C10orf143: variants seen among roughly 807,000 people sequenced by gnomAD.
The protein encoded by C10orf143 is chromosome 10 open reading frame 143, also known as uncharacterized protein C10orf143.
chr10:130,053,356 C>T (rs1186111712), intron 3 of C10orf143, among the ~76,000 whole-genome samples: 1 of 152,218 alleles, frequency 6.6e-6, no homozygotes, highest in African/African-American at 2.4e-5. Context: ...CAGGCGTGAG[C>T]CACCACGCCC....
At chr10:130,054,053 T>C (rs919309754) in intron 3 of C10orf143, among the ~76,000 whole-genome samples, 8 of 152,228 alleles carry the variant, frequency 5.3e-5, no homozygotes, top group Non-Finnish European at 1.0e-4. Flanking sequence ...GATCTGTCCT[T>C]TTAGCAGAGT....
intron 1 of C10orf143, among the ~76,000 whole-genome samples, chr10:130,094,819 G>C (rs563035140): frequency 6.6e-6 from 1 of 152,292 alleles, no homozygotes; most frequent in African/African-American, 2.4e-5. Context: ...ACCAGCACAA[G>C]ACAAGGATCC....
Position 130,079,630 on chromosome 10 carries a change from T to C in C10orf143, c.235-2A>G, listed in dbSNP as rs1861173184. ...GCTCCTTCCACCATTCTGAGAAATCTAGTTAACAAATCACAGTTGCAGATA... is the reference window on the plus strand; with the variant it reads ...GCTCCTTCCACCATTCTGAGAAATCCAGTTAACAAATCACAGTTGCAGATA... On this transcript the variant is annotated splice_acceptor_variant, in intron 2 of 3. Transcript: ENST00000637128. LOFTEE classifies it high-confidence loss of function. The C allele has an allele frequency of 2.5e-6, 1 of 399,104 alleles. No individual in the cohort carries two copies. The allele number at this position is 399,104 out of a possible 1,614,324, so 24.7% of individuals were successfully genotyped here. A position where few individuals can be genotyped will look rare whatever the true frequency, so the allele number is the denominator to read the frequency against.
At chr10:130,040,194 T>C (rs989121491) in intron 3 of C10orf143, among the ~76,000 whole-genome samples, 6 of 152,114 alleles carry the variant, frequency 3.9e-5, no homozygotes, top group Admixed American at 3.9e-4. Context: ...CTGGGATCCA[T>C]GCCCCCAGCC....
chr10:130,110,755 G>C lies in C10orf143; in HGVS notation c.18C>G (p.Leu6=). 1 of 398,946 alleles carries C rather than the reference G, an allele frequency of 2.5e-6. No individual in the cohort carries two copies. The highest frequency in any genetic ancestry group is 4.4e-6 in the Non-Finnish European group (1 of 226,108). The allele number at this position is 398,946 out of a possible 1,614,324, so 24.7% of individuals were successfully genotyped here. MDSLA[L]GRWRQRRAED... is the part of the protein sequence containing the mutation. ...CCGCCCTCCGCTGTCGCCAGCGGCC[G>C]AGCGCTAAGCTGTCCATGCAGCCCC... Residue 6 remains leucine, a synonymous_variant, in exon 1 of 4, where the codon CTC becomes CTG. Transcript: ENST00000637128.
intron 1 of C10orf143, among the ~76,000 whole-genome samples, chr10:130,093,965 G>A (rs914540328): frequency 4.7e-5 from 7 of 149,826 alleles, no homozygotes; most frequent in African/African-American, 7.4e-5. Context: ...AGCCAAGATC[G>A]TGCCACTGTA....
Position 130,050,227 on chromosome 10 carries a change from G to A in C10orf143, c.298-14257C>T, listed in dbSNP as rs1222462185. Among the ~76,000 whole-genome samples the A allele has an allele frequency of 2.6e-5, 4 of 152,242 alleles. No individual in the cohort carries two copies. The East Asian group carries it at 5.8e-4, about 22-fold the overall frequency. ...CCAAACTTCCACTCTCGCTGGCCCC[G>A]GCCAAGTGCAGAATTGCGGCTGTGG... On this transcript the variant is annotated intron_variant and NMD_transcript_variant, in intron 3 of 5. Transcript: ENST00000643056.
At chr10:130,075,745 A>G (rs1337148557) in intron 3 of C10orf143, among the ~76,000 whole-genome samples, 2 of 152,062 alleles carry the variant, frequency 1.3e-5, no homozygotes, top group African/African-American at 2.4e-5. Context: ...AGTTCTCATG[A>G]GATCTGGTTG....
chr10:130,105,459 G>A (rs1187584662), intron 1 of C10orf143, among the ~76,000 whole-genome samples: 1 of 152,082 alleles, frequency 6.6e-6, no homozygotes, highest in Non-Finnish European at 1.5e-5. Context: ...GGATGGGCAC[G>A]GTGTCTCACG....
chr10:130,055,952 T>TAAAAAAAAAAAAAAAAAAAAAAAAA (rs369284797), intron 3 of C10orf143, among the ~76,000 whole-genome samples: 1 of 65,860 alleles, frequency 1.5e-5, no homozygotes, highest in African/African-American at 5.7e-5. Flanking sequence ...TCTCCAAAAG[T>TAAAAAAAAAAAAAAAAAAAAAAAAA]AAAAAAAAAA....
At chr10:130,105,469 G>A (rs1488365915) in intron 1 of C10orf143, among the ~76,000 whole-genome samples, 1 of 152,106 alleles carries the variant, frequency 6.6e-6, no homozygotes, top group Non-Finnish European at 1.5e-5. Context: ...GGTGTCTCAC[G>A]CCTGTAATCC....
chr10:130,072,730 A>T (rs1438291339), intron 3 of C10orf143, among the ~76,000 whole-genome samples: 1 of 152,206 alleles, frequency 6.6e-6, no homozygotes, highest in African/African-American at 2.4e-5. Flanking sequence ...AGTCACACAA[A>T]TTTTTTGGTT....
intron 3 of C10orf143, among the ~76,000 whole-genome samples, chr10:130,052,220 A>T (rs1362605695): frequency 6.6e-6 from 1 of 151,494 alleles, no homozygotes; most frequent in Non-Finnish European, 1.5e-5. Flanking sequence ...CTGGGTTAGG[A>T]ACCTGGACGG....
intron 1 of C10orf143, chr10:130,106,737 T>C (rs1165735800): frequency 8.0e-7 from 1 of 1,254,604 alleles, no homozygotes; most frequent in Non-Finnish European, 1.2e-6. Context: ...GAAGCTGAAG[T>C]ATGGAACGAA....
intron 3 of C10orf143, among the ~76,000 whole-genome samples, chr10:130,069,353 T>A (rs1860992812): frequency 6.6e-6 from 1 of 152,204 alleles, no homozygotes; most frequent in Non-Finnish European, 1.5e-5. Context: ...GAAATTATAA[T>A]GATAGAGAAA....
chr10:130,063,682 G>A (rs547594236), downstream of C10orf143, among the ~76,000 whole-genome samples: 2 of 152,310 alleles, frequency 1.3e-5, no homozygotes, highest in African/African-American at 4.8e-5. Context: ...TGCAGATAAC[G>A]TGATGCGGAC....
At chr10:130,099,999 G>A (rs1052925106) in intron 1 of C10orf143, among the ~76,000 whole-genome samples, 7 of 149,524 alleles carry the variant, frequency 4.7e-5, no homozygotes, top group East Asian at 4.1e-4. Context: ...CACCACACCC[G>A]GCTAATTTTT....
At chr10:130,060,688 G>A (rs1860846784), downstream of C10orf143, among the ~76,000 whole-genome samples, 2 of 151,966 alleles carry the variant, frequency 1.3e-5, no homozygotes, top group Non-Finnish European at 2.9e-5. Flanking sequence ...GCCGGGCGTG[G>A]TAGCGGGCAC....
chr10:130,094,101 T>C lies in C10orf143; in HGVS notation c.70-14200A>G, dbSNP rs1254008797. ...CATCAGAGAATACTATAAACGGCTC[T>C]ACACAAATAAACTCAAAAATCTAGA... On this transcript the variant is annotated intron_variant, in intron 1 of 3. Transcript: ENST00000637128. Among the ~76,000 whole-genome samples, 4 of 151,726 alleles carry C rather than the reference T, an allele frequency of 2.6e-5. 1 individual carries two copies. Among genetic ancestry groups the C allele is most frequent in the Admixed American group, 2.6e-4 (4 of 15,236 alleles).
Sources: allele counts gnomAD v4.1 joint callset (sites outside exome capture counted in the v4.1 genomes callset), GRCh38; gene constraint gnomAD v4.1.1; transcripts MANE v1.5; gene names NCBI Gene and HGNC (gene_info 2026-07-23, HGNC 2026-07-21).